The following IMMP1L variants were observed in gnomAD, a reference collection of about 807,000 sequenced individuals.
IMMP1L encodes the protein mitochondrial inner membrane protease subunit 1.
In IMMP1L, 24 loss-of-function variants were observed where a neutral mutation model predicts 21.8. That is an observed-to-expected ratio of 1.10 (90% CI 0.80 to 1.55). The LOEUF (loss-of-function observed/expected upper bound fraction) is 1.55. Ranked by LOEUF, IMMP1L falls within the 40% of genes most tolerant of loss-of-function variation. The probability of loss-of-function intolerance (pLI) is 0.00; values close to 1 mark genes in which losing one functional copy is unlikely to be tolerated. For synonymous variants in IMMP1L, 46 were observed against 62.8 expected (o/e 0.73, Z 1.26); for missense variants, 195 against 200.7 (o/e 0.97, Z 0.17).
chr11:31,498,823 G>A (rs1955531121), intron 1 of IMMP1L, among the ~76,000 whole-genome samples: 1 of 152,152 alleles, frequency 6.6e-6, no homozygotes, highest in Admixed American at 6.5e-5. Flanking sequence ...TCTATAAAAT[G>A]TGTGAGGATT....
At chr11:31,487,052 ATATT>A in intron 1 of IMMP1L, among the ~76,000 whole-genome samples, 1 of 151,834 alleles carries the variant, frequency 6.6e-6, no homozygotes, top group East Asian at 1.9e-4. Flanking sequence ...ATTGTATTAT[ATATT>A]TATGTTCCTG....
chr11:31,470,434 C>CAAAAAAA (rs1027463461), intron 1 of IMMP1L, among the ~76,000 whole-genome samples: 280 of 127,808 alleles, frequency 2.2e-3, no homozygotes, highest in South Asian at 3.8e-3. Flanking sequence ...AAACAAAAAA[C>CAAAAAAA]AAAAAAAAAA....
At chr11:31,462,585 T>C (rs905271199) in intron 2 of IMMP1L, among the ~76,000 whole-genome samples, 1 of 152,192 alleles carries the variant, frequency 6.6e-6, no homozygotes, top group African/African-American at 2.4e-5. Flanking sequence ...GGAAAAACTT[T>C]AACATTTTAA....
At chr11:31,475,502 T>C (rs1379333629) in intron 1 of IMMP1L, among the ~76,000 whole-genome samples, 1 of 152,212 alleles carries the variant, frequency 6.6e-6, no homozygotes, top group Non-Finnish European at 1.5e-5. Context: ...CCCAAGTGTC[T>C]GGGACCAGGG....
At chr11:31,505,155 T>G (rs938263173) in intron 1 of IMMP1L, among the ~76,000 whole-genome samples, 1 of 152,206 alleles carries the variant, frequency 6.6e-6, no homozygotes, top group African/African-American at 2.4e-5. Context: ...GGTGTCCACT[T>G]GTATCAGAAG....
chr11:31,468,612 G>A (rs945603992), intron 1 of IMMP1L, among the ~76,000 whole-genome samples: 4 of 152,020 alleles, frequency 2.6e-5, no homozygotes, highest in Non-Finnish European at 4.4e-5. Context: ...CTACTACTAC[G>A]TACCAGATAC....
At chr11:31,468,345 TCTA>T (rs1044024654) in intron 1 of IMMP1L, among the ~76,000 whole-genome samples, 13 of 152,186 alleles carry the variant, frequency 8.5e-5, no homozygotes, top group African/African-American at 2.9e-4. Context: ...ATGGTTCACT[TCTA>T]CTGCTAATAA....
intron 4 of IMMP1L, among the ~76,000 whole-genome samples, chr11:31,438,179 G>A (rs964196433): frequency 6.6e-6 from 1 of 152,074 alleles, no homozygotes; most frequent in African/African-American, 2.4e-5. Flanking sequence ...AACAACCAAT[G>A]TATGACTGTG....
At chr11:31,436,591 C>A (rs541074658) in intron 4 of IMMP1L, among the ~76,000 whole-genome samples, 2 of 152,130 alleles carry the variant, frequency 1.3e-5, no homozygotes, top group East Asian at 3.9e-4. Flanking sequence ...CACCACCACA[C>A]CCAGCTAATT....
intron 1 of IMMP1L, among the ~76,000 whole-genome samples, chr11:31,502,717 G>A (rs905732705): frequency 3.3e-5 from 5 of 152,172 alleles, no homozygotes; most frequent in African/African-American, 4.8e-5. Flanking sequence ...TGGTTGACAC[G>A]TGAAAGGAAC....
At chr11:31,502,022 A>C (rs934084512) in intron 1 of IMMP1L, among the ~76,000 whole-genome samples, 1 of 151,962 alleles carries the variant, frequency 6.6e-6, no homozygotes, top group African/African-American at 2.4e-5. Flanking sequence ...TAATGCATAC[A>C]TCAAAGACCT....
At chr11:31,472,573 C>T (rs1954593171) in intron 1 of IMMP1L, among the ~76,000 whole-genome samples, 1 of 152,096 alleles carries the variant, frequency 6.6e-6, no homozygotes, top group Non-Finnish European at 1.5e-5. Context: ...AATTCAGAAT[C>T]TGTTACTTTT....
At chr11:31,473,641 A>G (rs914738762) in intron 1 of IMMP1L, 3 of 431,860 alleles carry the variant, frequency 6.9e-6, no homozygotes, top group Non-Finnish European at 9.2e-6. Context: ...GAAATTAGAG[A>G]TTCCTCCATC....
intron 4 of IMMP1L, among the ~76,000 whole-genome samples, chr11:31,436,213 A>G (rs1397255465): frequency 6.6e-6 from 1 of 152,132 alleles, no homozygotes; most frequent in Non-Finnish European, 1.5e-5. Context: ...CAAAGTTTTT[A>G]GTTTTTTATG....
At chr11:31,438,346 G>A (rs959449663) in intron 4 of IMMP1L, among the ~76,000 whole-genome samples, 2 of 152,076 alleles carry the variant, frequency 1.3e-5, no homozygotes, top group African/African-American at 4.8e-5. Flanking sequence ...CTTTTGTGAA[G>A]TATCCATTAA....
rs1591929804 is a variant in IMMP1L at position 31,433,441 on chromosome 11, T to C, written c.432+19A>G. The C allele has an allele frequency of 7.2e-7, 1 of 1,393,938 alleles. No homozygotes were observed. The highest frequency in any genetic ancestry group is 2.3e-5 in the East Asian group (1 of 43,012). The allele number at this position is 1,393,938 out of a possible 1,614,324, so 86.3% of individuals were successfully genotyped here. On this transcript the variant is annotated intron_variant, in intron 5 of 5. Transcript: ENST00000532287. ...CTAGCTCAGAAAATAAACCTTACAT[T>C]TTAAGCAGAAAATGGTACCTTAAAG...
rs976029518 is a variant in IMMP1L at position 31,453,015 on chromosome 11, G to A, written c.321+3245C>T. ...GATCTGCCTGCCTTGGCCTCTCAAA[G>A]TGCTGGGATTACAGGCGTGAGCCAC... is the stretch of plus-strand genomic sequence containing the variant. On this transcript the variant is annotated intron_variant, in intron 4 of 5. Transcript: ENST00000532287. 8.2e-6 allele frequency: 10 copies of A among 1,215,472 alleles called. No homozygotes were observed. In the African/African-American group the frequency reaches 1.4e-4, roughly 17 times the overall value. The allele number at this position is 1,215,472 out of a possible 1,614,324, so 75.3% of individuals were successfully genotyped here.
intron 1 of IMMP1L, among the ~76,000 whole-genome samples, chr11:31,465,670 G>A (rs759398991): frequency 9.9e-5 from 15 of 151,932 alleles, no homozygotes; most frequent in Non-Finnish European, 1.6e-4. Flanking sequence ...TTTTTGACAC[G>A]GTACCAGGAA....
chr11:31,473,130 A>G (rs1256186214), intron 1 of IMMP1L, among the ~76,000 whole-genome samples: 3 of 152,130 alleles, frequency 2.0e-5, no homozygotes, highest in Non-Finnish European at 2.9e-5. Flanking sequence ...GCTCACCGCA[A>G]GCTCCGCCTC....
Sources: gnomAD v4.1 joint callset for allele counts (sites outside exome capture counted in the v4.1 genomes callset) on GRCh38, gnomAD v4.1.1 for gene constraint, MANE v1.5 for transcripts, NCBI Gene and HGNC (gene_info 2026-07-23, HGNC 2026-07-21) for gene names.